LRP1B: variants seen among roughly 807,000 people sequenced by gnomAD.
LRP1B encodes LDL receptor related protein 1B.
Under a neutral mutation model 556.6 loss-of-function variants are expected in LRP1B, and 217 were observed. The observed-to-expected ratio is 0.39, with a 90% CI of 0.35 to 0.44. The LOEUF (loss-of-function observed/expected upper bound fraction) is 0.44. Ranked by LOEUF, LRP1B falls within the 20% of genes least tolerant of loss-of-function variation. The pLI is 1.00. For synonymous variants in LRP1B, 2,047 were observed against 1,865.8 expected (o/e 1.10, Z -2.50); for missense variants, 5,053 against 5,620.8 (o/e 0.90, Z 3.23).
chr2:140,412,492 T>G (rs1159801377), intron 66 of LRP1B, among the ~76,000 whole-genome samples: 1 of 152,034 alleles, frequency 6.6e-6, no homozygotes, highest in Non-Finnish European at 1.5e-5. Context: ...AAACAGAATA[T>G]TTATCTCCCT....
chr2:141,208,030 G>A (rs1399298296), intron 6 of LRP1B: 1 of 152,188 alleles, frequency 6.6e-6, no homozygotes, highest in Admixed American at 6.5e-5. Flanking sequence ...TAGACTCATA[G>A]TTGGGCAGTA....
intron 7 of LRP1B, among the ~76,000 whole-genome samples, chr2:141,169,701 T>C (rs1412169865): frequency 2.0e-5 from 3 of 148,956 alleles, no homozygotes; most frequent in Admixed American, 6.8e-5. Flanking sequence ...ACCAGCCCAA[T>C]GTCAGTAAGA....
At chr2:140,964,442 G>A (rs1179142090) in intron 18 of LRP1B, among the ~76,000 whole-genome samples, 2 of 152,124 alleles carry the variant, frequency 1.3e-5, no homozygotes, top group East Asian at 1.9e-4. Context: ...GCTAAGTAGC[G>A]GGTGTTGTTT....
intron 1 of LRP1B, among the ~76,000 whole-genome samples, chr2:142,114,809 G>A (rs533327462): frequency 6.6e-6 from 1 of 152,036 alleles, no homozygotes; most frequent in Non-Finnish European, 1.5e-5. Context: ...CATACATTTA[G>A]ATAGACAGAA....
intron 1 of LRP1B, among the ~76,000 whole-genome samples, chr2:141,985,897 G>A (rs534931617): frequency 2.6e-5 from 4 of 151,874 alleles, no homozygotes; most frequent in Non-Finnish European, 4.4e-5. Flanking sequence ...TTTCTGAATT[G>A]AAAGGAATAT....
intron 52 of LRP1B, 147 bp downstream of exon 52, chr2:140,509,781 A>G: frequency 2.9e-6 from 3 of 1,049,168 alleles, no homozygotes; most frequent in Non-Finnish European, 4.1e-6. Context: ...TGATACCGTC[A>G]TCCCACCTGA....
intron 82 of LRP1B, among the ~76,000 whole-genome samples, chr2:140,316,134 C>T (rs899893202): frequency 4.6e-5 from 7 of 152,178 alleles, no homozygotes; most frequent in South Asian, 2.1e-4. Context: ...TGGCCTTCTC[C>T]GTTAGAAATG....
At chr2:140,861,111 A>T (rs1573813899) in intron 27 of LRP1B, among the ~76,000 whole-genome samples, 3 of 152,260 alleles carry the variant, frequency 2.0e-5, no homozygotes, top group Middle Eastern at 3.4e-3. Flanking sequence ...TAACTGCCTA[A>T]AAGAGACTAA....
intron 2 of LRP1B, among the ~76,000 whole-genome samples, chr2:141,803,392 A>C (rs1008573054): frequency 2.0e-5 from 3 of 151,708 alleles, no homozygotes; most frequent in Non-Finnish European, 4.4e-5. Context: ...TCCCCCCTGC[A>C]TATCAACTCT....
Position 141,229,046 on chromosome 2 carries a change from G to A in LRP1B, c.850+137C>T, listed in dbSNP as rs139507131. 10 of 803,014 alleles carry A rather than the reference G, an allele frequency of 1.2e-5. No homozygotes were observed. The East Asian group carries it at 2.0e-4, about 16-fold the overall frequency. The allele number at this position is 803,014 out of a possible 1,614,324, so 49.7% of individuals were successfully genotyped here. A position where few individuals can be genotyped will look rare whatever the true frequency, so the allele number is the denominator to read the frequency against. On this transcript the variant is annotated intron_variant, in intron 6 of 90. Transcript: ENST00000389484. ...ATATGCAAAACATGTAGTGAATACAGTAATTCAAGTTCATTGTATTTGCAC... is the reference window on the plus strand; with the variant it reads ...ATATGCAAAACATGTAGTGAATACAATAATTCAAGTTCATTGTATTTGCAC...
chr2:141,878,708 T>C (rs1698853996), intron 1 of LRP1B, among the ~76,000 whole-genome samples: 1 of 152,054 alleles, frequency 6.6e-6, no homozygotes, highest in African/African-American at 2.4e-5. Flanking sequence ...TAAATAACTG[T>C]TTAATGGTAG....
At chr2:140,631,280 A>G (rs1381044008) in intron 41 of LRP1B, among the ~76,000 whole-genome samples, 1 of 152,220 alleles carries the variant, frequency 6.6e-6, no homozygotes, top group Non-Finnish European at 1.5e-5. Context: ...TGACATGCTA[A>G]AAGGCAAAGA....
At chr2:141,668,198 G>A (rs1289146641) in intron 2 of LRP1B, among the ~76,000 whole-genome samples, 1 of 152,076 alleles carries the variant, frequency 6.6e-6, no homozygotes. Flanking sequence ...CCTTTGCACA[G>A]TCTGTGACAC....
chr2:140,460,671 G>T (rs750685274), intron 60 of LRP1B, among the ~76,000 whole-genome samples: 6 of 152,094 alleles, frequency 3.9e-5, no homozygotes, highest in Non-Finnish European at 2.9e-5. Context: ...AAACAGAGCT[G>T]CTGTGTGGGC....
At chr2:141,932,473 G>A (rs959388723) in intron 1 of LRP1B, among the ~76,000 whole-genome samples, 4 of 151,878 alleles carry the variant, frequency 2.6e-5, no homozygotes, top group Non-Finnish European at 5.9e-5. Context: ...ATCCATGTAA[G>A]CCCTCTATTT....
chr2:141,541,499 C>T (rs960110575), intron 2 of LRP1B, among the ~76,000 whole-genome samples: 1 of 151,990 alleles, frequency 6.6e-6, no homozygotes, highest in Admixed American at 6.6e-5. Flanking sequence ...AAGTGTTTGT[C>T]GTTTGGTGAA....
chr2:141,834,986 G>C (rs563331719), intron 1 of LRP1B, among the ~76,000 whole-genome samples: 1 of 151,942 alleles, frequency 6.6e-6, no homozygotes, highest in South Asian at 2.1e-4. Flanking sequence ...TAAAGTCAAG[G>C]ATGTATAAAG....
intron 3 of LRP1B, among the ~76,000 whole-genome samples, chr2:141,281,298 C>G (rs1193804746): frequency 2.0e-5 from 3 of 151,840 alleles, no homozygotes; most frequent in Non-Finnish European, 4.4e-5. Context: ...ATGAAAAAGA[C>G]TGTGACAAAA....
chr2:141,837,925 G>A (rs1169884609), intron 1 of LRP1B, among the ~76,000 whole-genome samples: 9 of 152,096 alleles, frequency 5.9e-5, no homozygotes, highest in Admixed American at 5.2e-4. Context: ...AATTGATATG[G>A]TGAAAAAATG....
Sources: allele counts gnomAD v4.1 joint callset (sites outside exome capture counted in the v4.1 genomes callset), GRCh38; gene constraint gnomAD v4.1.1; transcripts MANE v1.5; gene names NCBI Gene and HGNC (gene_info 2026-07-23, HGNC 2026-07-21).